KLF8: variants seen among roughly 807,000 people sequenced by gnomAD.
KLF8 encodes the protein KLF transcription factor 8, also known as Krueppel-like factor 8.
Under a neutral mutation model 18.2 loss-of-function variants are expected in KLF8, and 10 were observed. The observed-to-expected ratio is 0.55, with a 90% CI of 0.34 to 0.93. The LOEUF is 0.93. Ranked by LOEUF, KLF8 falls within the 40% of genes least tolerant of loss-of-function variation. The pLI, the probability that KLF8 is intolerant of heterozygous loss-of-function variation, is 0.02. For synonymous variants in KLF8, 109 were observed against 97.3 expected (o/e 1.12, Z -0.71); for missense variants, 264 against 277.9 (o/e 0.95, Z 0.36).
the KLF8 span, among the ~76,000 whole-genome samples, chrX:56,076,480 T>G: frequency 3.6e-5 from 4 of 111,363 alleles, no homozygotes; most frequent in Non-Finnish European, 7.5e-5. Flanking sequence ...TCATCATTTT[T>G]TATGACTGCA....
the KLF8 span, among the ~76,000 whole-genome samples, chrX:56,183,564 G>A: frequency 7.8e-3 from 866 of 111,442 alleles, 11 homozygotes; most frequent in African/African-American, 0.027. Context: ...AGGATCTGTA[G>A]AGTGTAGCTG....
chrX:55,913,825 A>T, the KLF8 span, among the ~76,000 whole-genome samples: 2 of 112,190 alleles, frequency 1.8e-5, no homozygotes, highest in Non-Finnish European at 3.8e-5. Context: ...TTGGAGAAGA[A>T]CAGGGTAGGG....
At chrX:56,058,025 G>T in the KLF8 span, among the ~76,000 whole-genome samples, 2 of 103,708 alleles carry the variant, frequency 1.9e-5, no homozygotes, top group African/African-American at 7.1e-5. Flanking sequence ...CCAGGAACAA[G>T]TCCCCGCGTG....
At chrX:56,177,997 G>T in the KLF8 span, among the ~76,000 whole-genome samples, 1 of 111,801 alleles carries the variant, frequency 8.9e-6, no homozygotes, top group Non-Finnish European at 1.9e-5. Context: ...GGTGCCATCT[G>T]TCACCCCTTT....
At position 56,270,376 on chromosome X, in the gene KLF8, A is replaced by AT. The variant is rs2067037795; in HGVS notation, c.898+55_898+56insT. 4.9e-6 allele frequency: 5 copies of AT among 1,030,663 alleles called. No individual in the cohort carries two copies. In the African/African-American group the frequency reaches 1.2e-4, roughly 24 times the overall value. 84.9% of individuals were successfully genotyped at this position (1,030,663 alleles called of 1,213,427 possible). On this transcript the variant is annotated intron_variant, in intron 5 of 5. Transcript: ENST00000468660. ...CACACACACACACACACACACACAC[A>AT]CACACGAGAGAGAGAGAGAGAGAGG...
rs373010090 is a variant in KLF8, at chrX:56,265,620, C to T, written c.522C>T (p.Gly174=). Reference sequence around the variant, plus strand: ...TCAGTCTGCCAAATAAGATGGGTGGCCTGAAGACCATCCCAGTGGTAGTGC... The same window carrying T: ...TCAGTCTGCCAAATAAGATGGGTGGTCTGAAGACCATCCCAGTGGTAGTGC... ...PSVSLPNKMG[G]LKTIPVVVQS... Residue 174 remains glycine, a synonymous_variant, in exon 3 of 6, where the codon GGC becomes GGT. Coordinates refer to ENST00000468660, the MANE Select transcript of KLF8 (RefSeq NM_007250.5). 1.7e-6 allele frequency: 2 copies of T among 1,209,800 alleles called. No homozygotes were observed. Among genetic ancestry groups the T allele is most frequent in the East Asian group, 3.0e-5 (1 of 33,768 alleles).
At chrX:56,204,035 G>C in the KLF8 span, among the ~76,000 whole-genome samples, 1 of 111,111 alleles carries the variant, frequency 9.0e-6, no homozygotes, top group Non-Finnish European at 1.9e-5. Context: ...TTTTAACATA[G>C]TTAATTCTTC....
the KLF8 span, among the ~76,000 whole-genome samples, chrX:55,989,824 A>G: frequency 9.0e-6 from 1 of 111,252 alleles, no homozygotes. Flanking sequence ...CTGTGAATCC[A>G]TCTGGTCCTG....
At chrX:56,080,604 G>A in the KLF8 span, among the ~76,000 whole-genome samples, 3 of 110,768 alleles carry the variant, frequency 2.7e-5, no homozygotes, top group Admixed American at 9.6e-5. Flanking sequence ...TTTCAACTTC[G>A]GTGAATCTGA....
the KLF8 span, among the ~76,000 whole-genome samples, chrX:56,025,690 C>G: frequency 9.0e-6 from 1 of 111,414 alleles, no homozygotes; most frequent in Non-Finnish European, 1.9e-5. Flanking sequence ...ACTTGTGTCA[C>G]CTAGAAAAGG....
the KLF8 span, among the ~76,000 whole-genome samples, chrX:56,058,292 A>ATACATATATATACATATATATG: frequency 6.4e-5 from 4 of 62,382 alleles, no homozygotes; most frequent in Non-Finnish European, 8.5e-5. Context: ...ATATATATAT[A>ATACATATATATACATATATATG]TATATATATA....
chrX:55,945,533 T>C, the KLF8 span, among the ~76,000 whole-genome samples: 4 of 111,135 alleles, frequency 3.6e-5, no homozygotes, highest in African/African-American at 1.3e-4. Context: ...GCCAATATCA[T>C]ACTGAATGGG....
intron 1 of KLF8, among the ~76,000 whole-genome samples, chrX:56,246,192 G>C (rs967431425): frequency 3.6e-5 from 4 of 111,373 alleles, no homozygotes; most frequent in South Asian, 3.8e-4. Flanking sequence ...TATTTTTCAG[G>C]CTCCTTGATT....
chrX:56,052,991 C>G, the KLF8 span, among the ~76,000 whole-genome samples: 2 of 111,960 alleles, frequency 1.8e-5, no homozygotes, highest in African/African-American at 3.2e-5. Flanking sequence ...TTAAGCCCGT[C>G]AGAAAAGCGC....
At chrX:56,046,486 G>A in the KLF8 span, among the ~76,000 whole-genome samples, 35 of 110,620 alleles carry the variant, frequency 3.2e-4, 1 homozygote, top group Non-Finnish European at 6.2e-4. Context: ...TTTTCAGTGT[G>A]TTTTTGTTGT....
the KLF8 span, among the ~76,000 whole-genome samples, chrX:55,983,137 G>A: frequency 9.0e-6 from 1 of 111,540 alleles, no homozygotes; most frequent in Non-Finnish European, 1.9e-5. Flanking sequence ...CAACCTCTGA[G>A]TGATTAAAAT....
the KLF8 span, among the ~76,000 whole-genome samples, chrX:55,990,658 T>C: frequency 2.7e-5 from 3 of 111,977 alleles, no homozygotes; most frequent in African/African-American, 9.7e-5. Context: ...TTGATGATGG[T>C]GACATACAGA....
At chrX:56,152,083 T>C in the KLF8 span, among the ~76,000 whole-genome samples, 1 of 112,123 alleles carries the variant, frequency 8.9e-6, no homozygotes, top group Non-Finnish European at 1.9e-5. Flanking sequence ...GGGATTTGCT[T>C]TGTAGCTTAA....
the KLF8 span, among the ~76,000 whole-genome samples, chrX:56,053,885 A>T: frequency 1.8e-5 from 2 of 109,709 alleles, no homozygotes; most frequent in African/African-American, 6.6e-5. Context: ...GTTTATTTAG[A>T]TCTTCTCTCC....
Sources: gnomAD v4.1 joint callset for allele counts (sites outside exome capture counted in the v4.1 genomes callset) on GRCh38, gnomAD v4.1.1 for gene constraint, MANE v1.5 for transcripts, NCBI Gene and HGNC (gene_info 2026-07-23, HGNC 2026-07-21) for gene names.